The following DNAJC24 variants were observed in gnomAD, a reference collection of about 807,000 sequenced individuals.
DNAJC24 encodes dnaJ homolog subfamily C member 24.
A neutral mutation model predicts 18.0 loss-of-function variants in DNAJC24; 17 were observed. The ratio of observed to expected loss-of-function variants is 0.94; its 90% confidence interval spans 0.65 to 1.42. The LOEUF is 1.42. DNAJC24 is among the 40% of genes most tolerant of loss of function. DNAJC24 has a pLI of 0.00. For synonymous variants in DNAJC24, 55 were observed against 57.7 expected, an observed-to-expected ratio of 0.95 and a Z score of 0.21; for missense variants, 158 against 175.6, an observed-to-expected ratio of 0.90 and a Z score of 0.57.
chr11:31,419,237 C>T (rs971259660), intron 3 of DNAJC24, among the ~76,000 whole-genome samples: 1 of 151,958 alleles, frequency 6.6e-6, no homozygotes, highest in African/African-American at 2.4e-5. Context: ...AAATTTGCTT[C>T]AGGTAAAACT....
intron 3 of DNAJC24, among the ~76,000 whole-genome samples, chr11:31,423,729 A>C (rs926430323): frequency 6.6e-5 from 10 of 152,184 alleles, no homozygotes; most frequent in Admixed American, 6.5e-4. Flanking sequence ...AGGAACCTGG[A>C]CTGTTTGTGC....
chr11:31,399,989 C>T (rs1336260006), intron 2 of DNAJC24, among the ~76,000 whole-genome samples: 1 of 152,036 alleles, frequency 6.6e-6, no homozygotes, highest in Non-Finnish European at 1.5e-5. Flanking sequence ...TCAGCTCCCA[C>T]TTATGAGTGA....
At chr11:31,378,678 G>T (rs897462311) in intron 2 of DNAJC24, among the ~76,000 whole-genome samples, 1 of 151,288 alleles carries the variant, frequency 6.6e-6, no homozygotes, top group Non-Finnish European at 1.5e-5. Context: ...TATTCCTATC[G>T]CATAAATGCA....
intron 2 of DNAJC24, among the ~76,000 whole-genome samples, chr11:31,383,176 G>A (rs1428283678): frequency 6.6e-6 from 1 of 151,850 alleles, no homozygotes; most frequent in Admixed American, 6.6e-5. Context: ...GGCTTTATTA[G>A]GTAGGCATAC....
rs1030556297 is a variant in DNAJC24, at chr11:31,431,079, C to G, written c.*678C>G. ...CTGTCGCGCCAGCTGGAGTGCAGTG[C>G]CATGATCTCAGGTCGCTGTAACCTC... On this transcript the variant is annotated 3_prime_UTR_variant, in exon 5 of 5. Transcript: ENST00000465995. 1 of 152,038 alleles carries G rather than the reference C, an allele frequency of 6.6e-6. No homozygotes were observed. Among genetic ancestry groups the G allele is most frequent in the Admixed American group, 6.6e-5 (1 of 15,254 alleles). The allele number at this position is 152,038 out of a possible 1,614,324, so 9.4% of individuals were successfully genotyped here.
intron 2 of DNAJC24, among the ~76,000 whole-genome samples, chr11:31,406,843 G>T (rs1952662193): frequency 6.7e-6 from 1 of 150,022 alleles, no homozygotes; most frequent in Non-Finnish European, 1.5e-5. Flanking sequence ...GGGAAAGAGG[G>T]GTTACCCTAA....
intron 2 of DNAJC24, among the ~76,000 whole-genome samples, chr11:31,381,514 T>G (rs1265882761): frequency 6.6e-6 from 1 of 152,068 alleles, no homozygotes; most frequent in Non-Finnish European, 1.5e-5. Context: ...AAAAGACATA[T>G]CTTTTTCCCT....
At chr11:31,386,138 C>A (rs1952428014) in intron 2 of DNAJC24, among the ~76,000 whole-genome samples, 1 of 152,070 alleles carries the variant, frequency 6.6e-6, no homozygotes, top group Non-Finnish European at 1.5e-5. Flanking sequence ...AGCTAAAGTT[C>A]TCTGGGGTCA....
chr11:31,403,143 G>GTC (rs1259509303), intron 2 of DNAJC24, among the ~76,000 whole-genome samples: 1 of 151,958 alleles, frequency 6.6e-6, no homozygotes, highest in Non-Finnish European at 1.5e-5. Flanking sequence ...GTGTGTGTGT[G>GTC]TGTGTGTGTG....
intron 2 of DNAJC24, among the ~76,000 whole-genome samples, chr11:31,379,454 A>G (rs1249362235): frequency 1.3e-5 from 2 of 152,178 alleles, no homozygotes; most frequent in African/African-American, 4.8e-5. Flanking sequence ...CCTGGTGCCA[A>G]AAAGGTTGGG....
intron 2 of DNAJC24, among the ~76,000 whole-genome samples, chr11:31,378,392 A>G (rs181347587): frequency 6.6e-6 from 1 of 152,308 alleles, no homozygotes; most frequent in Non-Finnish European, 1.5e-5. Context: ...CTTTTTCGTG[A>G]TAAAAGTGGT....
chr11:31,408,145 T>G (rs1435820891), intron 2 of DNAJC24: 1 of 456,106 alleles, frequency 2.2e-6, no homozygotes, highest in Non-Finnish European at 4.4e-6. Flanking sequence ...TTGGTGTACA[T>G]ACTTGGAAGG....
Position 31,430,837 on chromosome 11 carries a change from A to G in DNAJC24, c.*436A>G, listed in dbSNP as rs1324797706. Reference sequence around the variant, plus strand: ...TGTACACCTAGAATCTTTGTGAATAATGTGAGGCCAGTTCTTCCATAAGGA... The same window carrying G: ...TGTACACCTAGAATCTTTGTGAATAGTGTGAGGCCAGTTCTTCCATAAGGA... On this transcript the variant is annotated 3_prime_UTR_variant, in exon 5 of 5. Coordinates refer to ENST00000465995, the MANE Select transcript of DNAJC24 (RefSeq NM_181706.5). 2.0e-5 allele frequency: 3 copies of G among 152,618 alleles called. No individual in the cohort carries two copies. In the East Asian group the frequency reaches 5.8e-4, roughly 29 times the overall value. 9.5% of individuals were successfully genotyped at this position (152,618 alleles called of 1,614,324 possible).
chr11:31,397,212 T>A (rs898018429), intron 2 of DNAJC24, among the ~76,000 whole-genome samples: 1 of 152,230 alleles, frequency 6.6e-6, no homozygotes, highest in African/African-American at 2.4e-5. Context: ...TCATGGTATC[T>A]TCATTGGCTG....
chr11:31,414,485 C>G (rs563151014), intron 2 of DNAJC24, among the ~76,000 whole-genome samples: 1 of 152,256 alleles, frequency 6.6e-6, no homozygotes, highest in African/African-American at 2.4e-5. Context: ...TCCTGCTTGT[C>G]TGCACGTACC....
intron 2 of DNAJC24, among the ~76,000 whole-genome samples, chr11:31,381,127 G>T (rs1952373058): frequency 6.6e-6 from 1 of 152,122 alleles, no homozygotes. Flanking sequence ...ACTATTACTT[G>T]TAAGGTATAC....
intron 2 of DNAJC24, among the ~76,000 whole-genome samples, chr11:31,379,677 A>T (rs1041123780): frequency 6.6e-6 from 1 of 152,196 alleles, no homozygotes; most frequent in African/African-American, 2.4e-5. Flanking sequence ...TTAAAATGTC[A>T]TCGTTGATAA....
chr11:31,377,225 T>G (rs1472480125), intron 2 of DNAJC24, among the ~76,000 whole-genome samples: 1 of 152,160 alleles, frequency 6.6e-6, no homozygotes, highest in South Asian at 2.1e-4. Context: ...AAAATATTGC[T>G]AAATTGTAGG....
At chr11:31,398,369 C>A (rs942066966) in intron 2 of DNAJC24, among the ~76,000 whole-genome samples, 1 of 152,012 alleles carries the variant, frequency 6.6e-6, no homozygotes, top group Non-Finnish European at 1.5e-5. Context: ...TTTTGAACAC[C>A]TATATATGAG....
Sources: gnomAD v4.1 joint callset for allele counts (sites outside exome capture counted in the v4.1 genomes callset) on GRCh38, gnomAD v4.1.1 for gene constraint, MANE v1.5 for transcripts, NCBI Gene and HGNC (gene_info 2026-07-23, HGNC 2026-07-21) for gene names.